Variants in FAT3 observed in about 807,000 individuals in gnomAD.
FAT3 encodes protocadherin Fat 3.
In FAT3, 95 loss-of-function variants were observed where a neutral mutation model predicts 310.2. The observed-to-expected ratio is 0.31, with a 90% CI of 0.26 to 0.36. The LOEUF is 0.36. Among genes scored for constraint, FAT3 ranks in the 10% least tolerant of loss-of-function variants. The probability of loss-of-function intolerance (pLI) is 1.00; values close to 1 mark genes in which losing one functional copy is unlikely to be tolerated. For missense variants in FAT3, 5,408 were observed against 5,715.6 expected (o/e 0.95, Z 1.74); for synonymous variants, 2,314 against 2,192.9 (o/e 1.06, Z -1.54).
chr11:92,323,352 A>C lies in FAT3; in HGVS notation c.-17-28744A>C, dbSNP rs546646611. 2.1e-4 allele frequency among the ~76,000 whole-genome samples: 32 copies of C among 152,150 alleles called. 1 individual carries two copies. Among genetic ancestry groups the C allele is most frequent in the East Asian group, 1.6e-3 (8 of 5,150 alleles). On this transcript the variant is annotated intron_variant, in intron 1 of 27. Coordinates refer to ENST00000525166, the MANE Select transcript of FAT3 (RefSeq NM_001367949.2). ...CAGCCTCCGCCTCCTAGGTTCAAGCAGTCCTCCCACCACAGACTCCCAAGT... is the reference window on the plus strand; with the variant it reads ...CAGCCTCCGCCTCCTAGGTTCAAGCCGTCCTCCCACCACAGACTCCCAAGT...
intron 3 of FAT3, among the ~76,000 whole-genome samples, chr11:92,596,176 C>T (rs865883500): frequency 1.5e-4 from 23 of 152,252 alleles, no homozygotes; most frequent in African/African-American, 4.3e-4. Context: ...CGAGCCTACT[C>T]GTGTTGGGTA....
intron 4 of FAT3, among the ~76,000 whole-genome samples, chr11:92,742,087 A>G (rs886793830): frequency 1.3e-5 from 2 of 152,214 alleles, no homozygotes; most frequent in African/African-American, 2.4e-5. Flanking sequence ...TGCCAGTACA[A>G]TGGATGATAT....
intron 3 of FAT3, among the ~76,000 whole-genome samples, chr11:92,564,987 A>G (rs1176460148): frequency 1.5e-4 from 22 of 145,572 alleles, no homozygotes; most frequent in African/African-American, 5.2e-4. Flanking sequence ...CTAGAGAAGC[A>G]AGAGCGAACA....
chr11:92,767,388 C>A (rs1344505174), intron 6 of FAT3, among the ~76,000 whole-genome samples: 1 of 152,092 alleles, frequency 6.6e-6, no homozygotes, highest in African/African-American at 2.4e-5. Context: ...TCCTTGAACA[C>A]TCCAGTGTCC....
At chr11:92,743,172 A>G (rs918557024) in intron 4 of FAT3, among the ~76,000 whole-genome samples, 5 of 152,214 alleles carry the variant, frequency 3.3e-5, no homozygotes, top group African/African-American at 1.2e-4. Context: ...CCAATCATGT[A>G]CATTGTAAAG....
At chr11:92,361,066 C>T (rs979904051) in intron 2 of FAT3, among the ~76,000 whole-genome samples, 1 of 151,996 alleles carries the variant, frequency 6.6e-6, no homozygotes, top group African/African-American at 2.4e-5. Context: ...TTTTCTTGCC[C>T]CAGACTCTGG....
At chr11:92,366,707 A>C (rs1251045260) in intron 2 of FAT3, 1 of 536,150 alleles carries the variant, frequency 1.9e-6, no homozygotes, top group East Asian at 5.3e-5. Flanking sequence ...GGCTGCAATC[A>C]GTACTCATTT....
intron 1 of FAT3, among the ~76,000 whole-genome samples, chr11:92,255,889 A>G (rs1865297688): frequency 6.6e-6 from 1 of 152,158 alleles, no homozygotes; most frequent in African/African-American, 2.4e-5. Context: ...GTTATGACAA[A>G]GATGTCAGGA....
rs1182941384 is a variant in FAT3 at position 92,801,373 on chromosome 11, T to C, written c.8360T>C (p.Ile2787Thr). The C allele has an allele frequency of 2.5e-6, 4 of 1,613,980 alleles. No homozygotes were observed. The highest frequency in any genetic ancestry group is 3.4e-6 in the Non-Finnish European group (4 of 1,179,872). Residue 2787 changes from isoleucine (I) to threonine (T), a missense_variant, in exon 10 of 28, where the codon ATA becomes ACA. Transcript: ENST00000525166. ...PAFHFKVAAT[I>T]PLDKVDIVFT... ...TTCCACTTTAAAGTAGCAGCCACTA[T>C]ACCCCTGGACAAAGTAGACATTGTG...
intron 1 of FAT3, among the ~76,000 whole-genome samples, chr11:92,319,505 T>C (rs759954144): frequency 3.9e-5 from 6 of 152,208 alleles, no homozygotes; most frequent in Non-Finnish European, 7.3e-5. Flanking sequence ...TACTTTAATC[T>C]CTCTGTGTGT....
chr11:92,293,549 TATAA>T (rs10558649), intron 1 of FAT3, among the ~76,000 whole-genome samples: 248 of 16,648 alleles, frequency 0.015, 6 homozygotes, highest in African/African-American at 0.037. Context: ...TATATATATA[TATAA>T]ATAAAATATA....
rs1668160449 is a variant in FAT3, at chr11:92,354,938, T to C, written c.2826T>C (p.Ser942=). Residue 942 remains serine, a synonymous_variant, in exon 2 of 28, where the codon AGT becomes AGC. Coordinates refer to ENST00000525166, the MANE Select transcript of FAT3 (RefSeq NM_001367949.2). The part of the protein sequence containing the change: ...CSPAFIPSSY[S]VKVLEDLPVG... ...CAGCTTTCATTCCCAGTAGCTATAG[T>C]GTGAAGGTTCTTGAAGATCTCCCTG... 1.9e-6 allele frequency: 3 copies of C among 1,613,750 alleles called. No individual in the cohort carries two copies. The highest frequency in any genetic ancestry group is 4.5e-5 in the East Asian group (2 of 44,880).
intron 22 of FAT3, among the ~76,000 whole-genome samples, chr11:92,870,993 T>C (rs1949374766): frequency 6.6e-6 from 1 of 152,188 alleles, no homozygotes; most frequent in African/African-American, 2.4e-5. Flanking sequence ...GGTAGCCTAG[T>C]ATCACATAGC....
chr11:92,316,208 AG>A (rs1457734070), intron 1 of FAT3, among the ~76,000 whole-genome samples: 5 of 152,004 alleles, frequency 3.3e-5, no homozygotes, highest in African/African-American at 9.7e-5. Context: ...AAAGAGAAAT[AG>A]GGGGACCAGC....
At chr11:92,646,167 G>A (rs961963139) in intron 3 of FAT3, among the ~76,000 whole-genome samples, 3 of 152,170 alleles carry the variant, frequency 2.0e-5, no homozygotes, top group Non-Finnish European at 4.4e-5. Flanking sequence ...TCACTTGGTG[G>A]TGGTCAGCTG....
chr11:92,830,024 C>A (rs181038075), intron 13 of FAT3, among the ~76,000 whole-genome samples: 115 of 152,286 alleles, frequency 7.6e-4, no homozygotes, highest in South Asian at 4.8e-3. Flanking sequence ...AAGCCCTCCC[C>A]TCTAAGAGCT....
intron 2 of FAT3, among the ~76,000 whole-genome samples, chr11:92,502,005 G>T (rs1952955428): frequency 6.6e-6 from 1 of 151,944 alleles, no homozygotes; most frequent in African/African-American, 2.4e-5. Context: ...GTCTCTAATA[G>T]GCTGTCAAGT....
rs1196194425 is a variant in FAT3, at chr11:92,893,490, G to T, written c.*2377G>T. On this transcript the variant is annotated 3_prime_UTR_variant, in exon 28 of 28. Transcript: ENST00000525166. The stretch of plus-strand genomic sequence containing the variant: ...CCAACATGTCATTTCCTGCCCCCAG[G>T]AAATATTAGAATGAGATTAATGCTG... 6.6e-6 allele frequency: 1 copy of T among 152,166 alleles called. No homozygotes were observed. The highest frequency in any genetic ancestry group is 2.4e-5 in the African/African-American group (1 of 41,436). 9.4% of individuals were successfully genotyped at this position (152,166 alleles called of 1,614,324 possible).
chr11:92,393,054 G>T (rs755287647), intron 2 of FAT3, among the ~76,000 whole-genome samples: 15 of 152,072 alleles, frequency 9.9e-5, no homozygotes, highest in African/African-American at 2.9e-4. Context: ...CTTTTATTTG[G>T]TTTTTGTGAG....
Sources: gnomAD v4.1 joint callset for allele counts (sites outside exome capture counted in the v4.1 genomes callset) on GRCh38, gnomAD v4.1.1 for gene constraint, MANE v1.5 for transcripts, NCBI Gene and HGNC (gene_info 2026-07-23, HGNC 2026-07-21) for gene names.